Variants in ADGRL1 observed in about 807,000 individuals in gnomAD.
ADGRL1 encodes the protein adhesion G protein-coupled receptor L1.
ADGRL1 carries 31 observed loss-of-function variants against 148.9 expected under a neutral mutation model. The ratio of observed to expected loss-of-function variants is 0.21; its 90% CI spans 0.16 to 0.28. The LOEUF (loss-of-function observed/expected upper bound fraction) is 0.28. Ranked by LOEUF, ADGRL1 falls within the 10% of genes least tolerant of loss-of-function variation. The probability of loss-of-function intolerance (pLI) is 1.00; values close to 1 mark genes in which losing one functional copy is unlikely to be tolerated. For synonymous variants in ADGRL1, 937 were observed against 900.3 expected, an observed-to-expected ratio of 1.04 and a Z score of -0.73; for missense variants, 1,521 against 2,058.8, an observed-to-expected ratio of 0.74 and a Z score of 5.05.
Position 14,149,326 on chromosome 19 carries a change from ATC to A in ADGRL1, c.*1545_*1546del, listed in dbSNP as rs1967918794. On this transcript the variant is annotated 3_prime_UTR_variant, in exon 23 of 23. Transcript: ENST00000361434. ...GGGAAGGTGGAGGATAGGGAAGGTG[ATC>A]TCTCACCTTTGCCCCTCCCCATCCC... The A allele has an allele frequency of 6.6e-6, 1 of 152,152 alleles. No individual in the cohort carries two copies. Among genetic ancestry groups the A allele is most frequent in the East Asian group, 1.9e-4 (1 of 5,148 alleles). 9.4% of individuals were successfully genotyped at this position (152,152 alleles called of 1,614,324 possible).
At chr19:14,176,250 C>G (rs1970816800) in intron 3 of ADGRL1, among the ~76,000 whole-genome samples, 1 of 152,008 alleles carries the variant, frequency 6.6e-6, no homozygotes, top group South Asian at 2.1e-4. Flanking sequence ...ACTCGGGAGG[C>G]TGAGGCAGGA....
chr19:14,157,468 C>T lies in ADGRL1; in HGVS notation c.2536-8G>A. 1 of 1,613,712 alleles carries T rather than the reference C, an allele frequency of 6.2e-7. No individual in the cohort carries two copies. The highest frequency in any genetic ancestry group is 8.5e-7 in the Non-Finnish European group (1 of 1,179,892). ...GTTGATGCGGCCCTGGTACTGGGGA[C>T]AGGAACAGGGGGCACGCTCAGGGCC... On this transcript the variant is annotated splice_polypyrimidine_tract_variant and splice_region_variant and intron_variant, in intron 13 of 22. Coordinates refer to ENST00000361434, the MANE Select transcript of ADGRL1 (RefSeq NM_014921.5). The surrounding 1 kb of genome is among the most constrained non-coding windows in gnomAD (Gnocchi z 7.5).
chr19:14,191,824 T>A (rs986082288), intron 1 of ADGRL1, among the ~76,000 whole-genome samples: 3 of 151,800 alleles, frequency 2.0e-5, no homozygotes, highest in African/African-American at 7.3e-5. Context: ...GCCTCCTGAG[T>A]AGCTGGGGCT....
At chr19:14,171,503 T>C (rs7260076) in intron 3 of ADGRL1, among the ~76,000 whole-genome samples, 100 of 152,348 alleles carry the variant, frequency 6.6e-4, no homozygotes, top group African/African-American at 1.9e-3. Context: ...GACACTATTA[T>C]ATCCTTGGCA....
intron 1 of ADGRL1, among the ~76,000 whole-genome samples, chr19:14,205,651 G>A (rs1305275297): frequency 6.8e-6 from 1 of 147,810 alleles, no homozygotes; most frequent in Non-Finnish European, 1.5e-5. Flanking sequence ...ACAAAGGCTG[G>A]CGCGCGCGCG....
chr19:14,199,103 AGAGGCCTCCGGCATAGC>A (rs1972443160), intron 1 of ADGRL1, among the ~76,000 whole-genome samples: 5 of 152,222 alleles, frequency 3.3e-5, no homozygotes, highest in Admixed American at 2.6e-4. Context: ...GCAGGAGAGA[AGAGGCCTCCGGCATAGC>A]GCCCTTAAGT....
chr19:14,173,811 G>GT (rs1247776480), intron 3 of ADGRL1, among the ~76,000 whole-genome samples: 2 of 152,128 alleles, frequency 1.3e-5, no homozygotes, highest in African/African-American at 4.8e-5. Flanking sequence ...GCCGGGCGTG[G>GT]TGGTGCATGC....
chr19:14,192,573 C>T (rs551755196), intron 1 of ADGRL1, among the ~76,000 whole-genome samples: 33 of 151,430 alleles, frequency 2.2e-4, no homozygotes, highest in Non-Finnish European at 4.4e-4. Flanking sequence ...CGGAGTCTTG[C>T]TCTGTCGCCC....
intron 1 of ADGRL1, among the ~76,000 whole-genome samples, chr19:14,195,413 A>G (rs1599515434): frequency 7.4e-6 from 1 of 135,652 alleles, no homozygotes; most frequent in Non-Finnish European, 1.5e-5. Flanking sequence ...CCTAGCCTGC[A>G]GTTGCCATGG....
intron 1 of ADGRL1, among the ~76,000 whole-genome samples, chr19:14,198,549 C>T (rs914597573): frequency 2.0e-5 from 3 of 152,102 alleles, no homozygotes; most frequent in African/African-American, 7.2e-5. Context: ...AGAGGGAGCT[C>T]ATGCTAAACA....
At chr19:14,190,826 G>A (rs1407293398) in intron 1 of ADGRL1, among the ~76,000 whole-genome samples, 1 of 152,058 alleles carries the variant, frequency 6.6e-6, no homozygotes, top group African/African-American at 2.4e-5. Context: ...AGTGGCTCAC[G>A]CCTGTAATCC....
In ADGRL1 at chr19:14,155,804, CTT is replaced by C. The variant is rs1968668905; in HGVS notation, c.3126-279_3126-278del. 1 of 579,088 alleles carries C rather than the reference CTT, an allele frequency of 1.7e-6. No individual in the cohort carries two copies. 35.9% of individuals were successfully genotyped at this position (579,088 alleles called of 1,614,324 possible). A position where few individuals can be genotyped will look rare whatever the true frequency, so the allele number is the denominator to read the frequency against. On this transcript the variant is annotated intron_variant, in intron 17 of 22. Transcript: ENST00000361434. The surrounding 1 kb of genome is among the most constrained non-coding windows in gnomAD (Gnocchi z 5.0). Reference sequence around the variant, plus strand: ...TTGTTTCTGCTAAATTTCCAGACCACTTAGGCTATATTTGCTGCCTATTTCTC... The same window carrying C: ...TTGTTTCTGCTAAATTTCCAGACCACAGGCTATATTTGCTGCCTATTTCTC...
intron 4 of ADGRL1, among the ~76,000 whole-genome samples, chr19:14,164,200 C>G (rs561939805): frequency 6.6e-6 from 1 of 152,008 alleles, no homozygotes; most frequent in African/African-American, 2.4e-5. Flanking sequence ...TCCTGGAGGG[C>G]GCCCAGCCCT....
Position 14,163,062 on chromosome 19 carries a change from C to T in ADGRL1, c.739G>A (p.Ala247Thr), listed in dbSNP as rs1226166895. 11 of 1,613,966 alleles carry T rather than the reference C, an allele frequency of 6.8e-6. No individual in the cohort carries two copies. The highest frequency in any genetic ancestry group is 2.2e-5 in the East Asian group (1 of 44,886). ...TAGGGCGAGGTGTCATGGTAGTTGGCGGTATTGATGACCGTCTCCCCGCTC... is the reference window on the plus strand; with the variant it reads ...TAGGGCGAGGTGTCATGGTAGTTGGTGGTATTGATGACCGTCTCCCCGCTC... ...IKSGETVINTANYHDTSPYRW... is the reference protein window; with the variant it reads ...IKSGETVINTTNYHDTSPYRW... The change falls in exon 5 of 23, where the codon GCC becomes ACC. Residue 247 changes from alanine (A) to threonine (T), a missense_variant. This residue lies in a region of ADGRL1 where 334 missense variants were observed against 512.5 expected (regional missense o/e 0.65). Transcript: ENST00000361434.
At chr19:14,178,840 A>G (rs1447454691) in intron 2 of ADGRL1, among the ~76,000 whole-genome samples, 1 of 152,134 alleles carries the variant, frequency 6.6e-6, no homozygotes, top group Non-Finnish European at 1.5e-5. Context: ...ACAGAAGTGT[A>G]CAGGGGGAAG....
Position 14,151,036 on chromosome 19 carries a change from TCGGGGGGGC to T in ADGRL1, c.4238_4246del (p.Gly1413_Pro1415del). 5 of 1,054,366 alleles carry T rather than the reference TCGGGGGGGC, an allele frequency of 4.7e-6. No individual in the cohort carries two copies. Among genetic ancestry groups the T allele is most frequent in the Non-Finnish European group, 6.1e-6 (5 of 814,130 alleles). 65.3% of individuals were successfully genotyped at this position (1,054,366 alleles called of 1,614,324 possible). A position where few individuals can be genotyped will look rare whatever the true frequency, so the allele number is the denominator to read the frequency against. On this transcript the variant is annotated inframe_deletion, in exon 23 of 23. Coordinates refer to ENST00000361434, the MANE Select transcript of ADGRL1 (RefSeq NM_014921.5). The stretch of plus-strand genomic sequence containing the variant: ...TGGCGGGCGCGAGGTGTAGTAGATT[TCGGGGGGGC>T]CGGGGGGTGCGGGAGGGGGTGGGGG...
chr19:14,196,447 T>C (rs1972270379), intron 1 of ADGRL1, among the ~76,000 whole-genome samples: 1 of 152,160 alleles, frequency 6.6e-6, no homozygotes, highest in Non-Finnish European at 1.5e-5. Flanking sequence ...AGTGAAACCT[T>C]GTCTCTGCCA....
At chr19:14,186,052 A>G (rs1426746409) in intron 1 of ADGRL1, among the ~76,000 whole-genome samples, 2 of 151,954 alleles carry the variant, frequency 1.3e-5, no homozygotes, top group South Asian at 2.1e-4. Context: ...CGTATCCCCA[A>G]CTTTTATTTA....
chr19:14,156,802 G>T, intron 15 of ADGRL1, 78 bp from the exon 16 acceptor site: 1 of 1,525,956 alleles, frequency 6.6e-7, no homozygotes, highest in Non-Finnish European at 9.0e-7. Context: ...CTAGGACTCT[G>T]CAGGCTGCAG....
Sources: allele counts gnomAD v4.1 joint callset (sites outside exome capture counted in the v4.1 genomes callset), GRCh38; gene constraint gnomAD v4.1.1; regional missense constraint gnomAD v4.1.1; non-coding constraint Gnocchi (gnomAD v3.1); transcripts MANE v1.5; gene names NCBI Gene and HGNC (gene_info 2026-07-23, HGNC 2026-07-21).